Variants in PPM1H observed in about 807,000 individuals in gnomAD.
PPM1H encodes protein phosphatase 1H.
PPM1H carries 27 observed loss-of-function variants against 54.9 expected under a neutral mutation model. That is an observed-to-expected ratio of 0.49 (90% CI 0.36 to 0.68). The LOEUF is 0.68. Ranked by LOEUF, PPM1H falls within the 30% of genes least tolerant of loss-of-function variation. The pLI is 0.00. For synonymous variants in PPM1H, 305 were observed against 270.8 expected (o/e 1.13, Z -1.24); for missense variants, 596 against 667.8 (o/e 0.89, Z 1.19).
At chr12:62,927,707 G>A (rs577618650) in intron 1 of PPM1H, among the ~76,000 whole-genome samples, 10 of 151,220 alleles carry the variant, frequency 6.6e-5, no homozygotes, top group Non-Finnish European at 1.2e-4. Flanking sequence ...AATAATATAC[G>A]TTGAAGAGGG....
Position 62,900,669 on chromosome 12 carries a change from A to AT in PPM1H, c.245+33822dup, listed in dbSNP as rs1429729777. On this transcript the variant is annotated intron_variant, in intron 1 of 9. Coordinates refer to ENST00000228705, the MANE Select transcript of PPM1H (RefSeq NM_020700.2). ...GAGGAGGTACTAATATCTTCTGAGC[A>AT]TCTCCTACAGGCCAACATTGTCCTT... Among the ~76,000 whole-genome samples the AT allele has an allele frequency of 2.0e-5, 3 of 151,976 alleles. No homozygotes were observed. The South Asian group carries it at 6.2e-4, about 32-fold the overall frequency.
At chr12:62,857,356 T>A (rs1592638843) in intron 1 of PPM1H, among the ~76,000 whole-genome samples, 1 of 152,192 alleles carries the variant, frequency 6.6e-6, no homozygotes. Context: ...ACCTCCTTTG[T>A]CCTCCTGGTT....
intron 1 of PPM1H, among the ~76,000 whole-genome samples, chr12:62,882,267 A>G (rs1870423866): frequency 6.6e-6 from 1 of 152,240 alleles, no homozygotes; most frequent in South Asian, 2.1e-4. Context: ...TAGACTGGAC[A>G]GTCCCTGTTT....
chr12:62,832,014 C>G, intron 2 of PPM1H, 100 bp downstream of exon 2: 1 of 1,397,168 alleles, frequency 7.2e-7, no homozygotes, highest in Non-Finnish European at 9.8e-7. Context: ...TGCTTTCTCA[C>G]TTCCATTCCA....
chr12:62,871,505 G>C (rs955204282), intron 1 of PPM1H, among the ~76,000 whole-genome samples: 5 of 146,388 alleles, frequency 3.4e-5, no homozygotes, highest in African/African-American at 1.2e-4. Flanking sequence ...CCACCGAACT[G>C]TGGTACTTTT....
In PPM1H at chr12:62,891,104, C is replaced by CAAAA. The variant is rs71450596; in HGVS notation, c.245+43384_245+43387dup. On this transcript the variant is annotated intron_variant, in intron 1 of 9. Transcript: ENST00000228705. ...AGTCTGGGCAACAGAGCAAGACTCT[C>CAAAA]AAAAAAAAAAAAAAAAAAAAAGACT... 9.3e-3 allele frequency among the ~76,000 whole-genome samples: 709 copies of CAAAA among 76,032 alleles called. 24 individuals carry two copies. Among genetic ancestry groups the CAAAA allele is most frequent in the African/African-American group, 0.034 (667 of 19,764 alleles). 49.9% of individuals were successfully genotyped at this position (76,032 alleles called of 152,430 possible). A position where few individuals can be genotyped will look rare whatever the true frequency, so the allele number is the denominator to read the frequency against.
chr12:62,797,655 T>C (rs2076742531), intron 3 of PPM1H, among the ~76,000 whole-genome samples: 1 of 152,042 alleles, frequency 6.6e-6, no homozygotes. Flanking sequence ...AAAAACCTAA[T>C]ATTGAGAGGG....
chr12:62,912,842 G>A lies in PPM1H; in HGVS notation c.245+21650C>T, dbSNP rs149489067. Among the ~76,000 whole-genome samples the A allele has an allele frequency of 1.6e-4, 25 of 152,312 alleles. No homozygotes were observed. In the East Asian group the frequency reaches 4.8e-3, roughly 29 times the overall value. On this transcript the variant is annotated intron_variant, in intron 1 of 9. Transcript: ENST00000228705. ...CAGATTTGTTCCCCAGCTGTTCCTA[G>A]GTATTGACACAGTGAAGCCTCAGCA...
At chr12:62,693,519 G>C (rs1036962428) in intron 7 of PPM1H, among the ~76,000 whole-genome samples, 5 of 152,220 alleles carry the variant, frequency 3.3e-5, no homozygotes, top group African/African-American at 1.2e-4. Flanking sequence ...TTGGCTGCGT[G>C]ATCTGCCTGA....
At chr12:62,790,787 C>G (rs1442210190) in intron 3 of PPM1H, among the ~76,000 whole-genome samples, 1 of 152,120 alleles carries the variant, frequency 6.6e-6, no homozygotes, top group African/African-American at 2.4e-5. Flanking sequence ...ACAGCAGCAG[C>G]AAAAGCTGCA....
At chr12:62,900,459 A>C (rs1202156364) in intron 1 of PPM1H, among the ~76,000 whole-genome samples, 14 of 151,952 alleles carry the variant, frequency 9.2e-5, no homozygotes, top group Non-Finnish European at 1.9e-4. Context: ...TGGGTGCAGC[A>C]CACCGACATG....
At chr12:62,798,778 T>G (rs1031265191) in intron 3 of PPM1H, among the ~76,000 whole-genome samples, 2 of 151,966 alleles carry the variant, frequency 1.3e-5, no homozygotes, top group Non-Finnish European at 2.9e-5. Context: ...CCTACCTGGG[T>G]TTTTTCTCAG....
At chr12:62,904,504 A>G (rs533928062) in intron 1 of PPM1H, among the ~76,000 whole-genome samples, 136 of 152,300 alleles carry the variant, frequency 8.9e-4, no homozygotes, top group African/African-American at 3.1e-3. Flanking sequence ...ACACAATGCC[A>G]TATTTTCTTA....
At chr12:62,867,007 A>G (rs1592643915) in intron 1 of PPM1H, among the ~76,000 whole-genome samples, 1 of 152,010 alleles carries the variant, frequency 6.6e-6, no homozygotes, top group African/African-American at 2.4e-5. Context: ...ACAAATGTTT[A>G]TTCAAGAAAT....
chr12:62,749,640 C>T (rs1468074106), intron 4 of PPM1H, among the ~76,000 whole-genome samples: 1 of 152,188 alleles, frequency 6.6e-6, no homozygotes, highest in Non-Finnish European at 1.5e-5. Context: ...AGCCTGGAAT[C>T]AGTTTGGGTG....
chr12:62,868,251 C>T (rs1869853534), intron 1 of PPM1H, among the ~76,000 whole-genome samples: 1 of 152,190 alleles, frequency 6.6e-6, no homozygotes, highest in African/African-American at 2.4e-5. Flanking sequence ...TCTACATCCC[C>T]CTTAATAGCA....
At chr12:62,851,702 T>TCAAA (rs367673288) in intron 1 of PPM1H, among the ~76,000 whole-genome samples, 18 of 151,948 alleles carry the variant, frequency 1.2e-4, no homozygotes, top group Middle Eastern at 6.8e-3. Flanking sequence ...AAACTCCATC[T>TCAAA]CAAACAAACA....
At position 62,723,002 on chromosome 12, in the gene PPM1H, A is replaced by G. The variant is rs76241523; in HGVS notation, c.955-2713T>C. On this transcript the variant is annotated intron_variant, in intron 5 of 9. Coordinates refer to ENST00000228705, the MANE Select transcript of PPM1H (RefSeq NM_020700.2). ...CTGAAAATATTGTAAGTCAAAATGC[A>G]TCTCATACAACTAGCCTACTGATCA... 2.5e-3 allele frequency among the ~76,000 whole-genome samples: 382 copies of G among 152,328 alleles called. 4 individuals are homozygous for G. Among genetic ancestry groups the G allele is most frequent in the African/African-American group, 8.2e-3 (342 of 41,582 alleles).
At chr12:62,932,087 T>TCCTCCCC (rs1274580446) in intron 1 of PPM1H, among the ~76,000 whole-genome samples, 19 of 151,610 alleles carry the variant, frequency 1.3e-4, no homozygotes, top group African/African-American at 4.6e-4. Context: ...GCTGACTTTT[T>TCCTCCCC]TTTTTTTTTT....
Sources: gnomAD v4.1 joint callset for allele counts (sites outside exome capture counted in the v4.1 genomes callset) on GRCh38, gnomAD v4.1.1 for gene constraint, MANE v1.5 for transcripts, NCBI Gene and HGNC (gene_info 2026-07-23, HGNC 2026-07-21) for gene names.